PRR5: variants seen among roughly 807,000 people sequenced by gnomAD.
The protein encoded by PRR5 is proline rich 5, also known as proline-rich protein 5.
In PRR5, 25 loss-of-function variants were observed where a neutral mutation model predicts 30.6. The ratio of observed to expected loss-of-function variants is 0.82; its 90% confidence interval spans 0.60 to 1.14. PRR5 has a LOEUF of 1.14. Among genes scored for constraint, PRR5 ranks in the 50% most tolerant of loss-of-function variants. The pLI is 0.00. For missense variants in PRR5, 600 were observed against 547.1 expected (o/e 1.10, Z -0.96); for synonymous variants, 286 against 247.1 (o/e 1.16, Z -1.48).
At chr22:44,676,078 A>G (rs539109545), upstream of PRR5, among the ~76,000 whole-genome samples, 6 of 151,982 alleles carry the variant, frequency 3.9e-5, no homozygotes, top group Admixed American at 2.0e-4. Context: ...GAAAAGAAAA[A>G]GAAAAATCAA....
chr22:44,736,640 A>T, intron 7 of PRR5, 132 bp from the exon 8 acceptor site: 1 of 1,426,504 alleles, frequency 7.0e-7, no homozygotes, highest in Non-Finnish European at 9.2e-7. Context: ...GGACCTGCTG[A>T]GCCGGGCCCC....
At chr22:44,726,670 T>C (rs1920959445) in intron 4 of PRR5, 36 bp downstream of exon 4, 1 of 1,613,634 alleles carries the variant, frequency 6.2e-7, no homozygotes, top group African/African-American at 1.3e-5. Context: ...CTCTGGGCCA[T>C]GCTGGGTCCT....
upstream of PRR5, among the ~76,000 whole-genome samples, chr22:44,676,462 A>G (rs559576440): frequency 2.8e-4 from 43 of 152,054 alleles, no homozygotes; most frequent in South Asian, 8.3e-3. Flanking sequence ...AAAAGAAAAA[A>G]CTGGCTCAGA....
chr22:44,710,643 T>A (rs1267977510), intron 1 of PRR5, among the ~76,000 whole-genome samples: 3 of 152,162 alleles, frequency 2.0e-5, no homozygotes, highest in Non-Finnish European at 4.4e-5. Flanking sequence ...CTTTCTTGTT[T>A]ACCAAACACC....
At chr22:44,732,171 G>A in intron 5 of PRR5, 80 bp from the exon 6 acceptor site, 1 of 1,573,108 alleles carries the variant, frequency 6.4e-7, no homozygotes, top group South Asian at 1.1e-5. Context: ...TCTTCCCCCT[G>A]TGGGGTCCCA....
At chr22:44,721,749 C>T (rs12627956) in intron 2 of PRR5, among the ~76,000 whole-genome samples, 227 of 152,164 alleles carry the variant, frequency 1.5e-3, no homozygotes, top group Non-Finnish European at 2.7e-3. Flanking sequence ...ACAAGGGTGC[C>T]GAGGCCCAGA....
At chr22:44,687,742 A>G (rs1924878989) in intron 1 of PRR5, among the ~76,000 whole-genome samples, 1 of 151,946 alleles carries the variant, frequency 6.6e-6, no homozygotes, top group Non-Finnish European at 1.5e-5. Flanking sequence ...CCACCCCCAC[A>G]AGGCTGCCAC....
intron 1 of PRR5, among the ~76,000 whole-genome samples, chr22:44,713,949 G>T (rs767365515): frequency 3.3e-5 from 5 of 152,202 alleles, no homozygotes; most frequent in African/African-American, 1.2e-4. Context: ...GACTACAGGC[G>T]CCCGCCATCG....
At chr22:44,735,644 G>C (rs1356969087) in intron 7 of PRR5, among the ~76,000 whole-genome samples, 1 of 152,148 alleles carries the variant, frequency 6.6e-6, no homozygotes, top group African/African-American at 2.4e-5. Context: ...GGTTCCTTCA[G>C]CAATGTCCCT....
intron 1 of PRR5, among the ~76,000 whole-genome samples, chr22:44,686,017 G>C (rs770611262): frequency 1.3e-5 from 2 of 152,078 alleles, no homozygotes; most frequent in Non-Finnish European, 2.9e-5. Context: ...CACTCTGGGA[G>C]GCCAAGGCAG....
At chr22:44,727,987 T>A (rs1301958667) in intron 4 of PRR5, among the ~76,000 whole-genome samples, 2 of 152,242 alleles carry the variant, frequency 1.3e-5, no homozygotes, top group Non-Finnish European at 1.5e-5. Context: ...CGCCCCTCGC[T>A]TGATGCGGCA....
At chr22:44,677,738 T>C (rs1017830444) in intron 1 of PRR5, among the ~76,000 whole-genome samples, 2 of 152,216 alleles carry the variant, frequency 1.3e-5, no homozygotes, top group Non-Finnish European at 1.5e-5. Flanking sequence ...CTGGGCCTGC[T>C]CACATGCTGT....
chr22:44,736,720 G>T (rs376789084), intron 7 of PRR5, 52 bp from the exon 8 acceptor site: 15 of 1,510,934 alleles, frequency 9.9e-6, no homozygotes, highest in Non-Finnish European at 1.3e-5. Context: ...GTGCCAAGGC[G>T]GGCGGGGACC....
At chr22:44,732,853 TGCACAC>T (rs1922375700) in intron 6 of PRR5, among the ~76,000 whole-genome samples, 2 of 121,530 alleles carry the variant, frequency 1.6e-5, no homozygotes, top group Non-Finnish European at 3.3e-5. Flanking sequence ...TGCACACACG[TGCACAC>T]GCACATACTA....
At chr22:44,722,891 C>A (rs763135570) in intron 2 of PRR5, among the ~76,000 whole-genome samples, 1 of 152,190 alleles carries the variant, frequency 6.6e-6, no homozygotes, top group Non-Finnish European at 1.5e-5. Context: ...CTTTGCACCA[C>A]AGTGCAGGGC....
At chr22:44,694,118 A>T (rs1925536283) in intron 1 of PRR5, among the ~76,000 whole-genome samples, 1 of 152,202 alleles carries the variant, frequency 6.6e-6, no homozygotes, top group Non-Finnish European at 1.5e-5. Flanking sequence ...CTGAATACCC[A>T]AGGACGGCCA....
intron 1 of PRR5, among the ~76,000 whole-genome samples, chr22:44,684,919 T>C (rs1924611775): frequency 6.6e-6 from 1 of 152,118 alleles, no homozygotes; most frequent in Non-Finnish European, 1.5e-5. Flanking sequence ...ACTGCCCTCT[T>C]GTGGCTCTCA....
chr22:44,682,328 C>T (rs182679460), intron 1 of PRR5, among the ~76,000 whole-genome samples: 2 of 152,080 alleles, frequency 1.3e-5, no homozygotes, highest in Admixed American at 6.5e-5. Flanking sequence ...CATAGGCAGA[C>T]GGTGGAGAGA....
chr22:44,736,738 C>T (rs955948035), intron 7 of PRR5, 34 bp from the exon 8 acceptor site: 54 of 1,521,996 alleles, frequency 3.5e-5, no homozygotes, highest in Non-Finnish European at 4.7e-5. Flanking sequence ...ACCCAGGTGG[C>T]CTCTGGTGTG....
Sources: allele counts gnomAD v4.1 joint callset (sites outside exome capture counted in the v4.1 genomes callset), GRCh38; gene constraint gnomAD v4.1.1; transcripts MANE v1.5; gene names NCBI Gene and HGNC (gene_info 2026-07-23, HGNC 2026-07-21).